Variants in NPAS3 observed in about 807,000 individuals in gnomAD.
NPAS3 encodes the protein neuronal PAS domain-containing protein 3.
In NPAS3, 14 loss-of-function variants were observed where a neutral mutation model predicts 73.1. The observed-to-expected ratio is 0.19, with a 90% CI of 0.13 to 0.30. The LOEUF (loss-of-function observed/expected upper bound fraction) is 0.30, where lower values mean the gene tolerates loss of function less well. Ranked by LOEUF, NPAS3 falls within the 10% of genes least tolerant of loss-of-function variation. NPAS3 has a pLI of 1.00. For synonymous variants in NPAS3, 620 were observed against 541.5 expected (o/e 1.14, Z -2.01); for missense variants, 1,096 against 1,250.0 (o/e 0.88, Z 1.86).
intron 9 of NPAS3, among the ~76,000 whole-genome samples, chr14:33,786,302 G>A (rs2063172592): frequency 6.6e-6 from 1 of 152,148 alleles, no homozygotes; most frequent in East Asian, 1.9e-4. Flanking sequence ...TGAACAAATG[G>A]AATTTGTCTG....
chr14:33,578,978 C>T (rs927915551), intron 5 of NPAS3, among the ~76,000 whole-genome samples: 4 of 152,198 alleles, frequency 2.6e-5, no homozygotes, highest in Non-Finnish European at 5.9e-5. Context: ...ATGTGCCAAG[C>T]TCAATGTCAG....
At chr14:33,124,766 G>C (rs1371125972) in intron 2 of NPAS3, among the ~76,000 whole-genome samples, 2 of 152,060 alleles carry the variant, frequency 1.3e-5, no homozygotes, top group Non-Finnish European at 2.9e-5. Context: ...CTTTTAAGCA[G>C]ACTTTATAAT....
intron 9 of NPAS3, among the ~76,000 whole-genome samples, chr14:33,790,035 A>G (rs1274549348): frequency 6.6e-6 from 1 of 152,224 alleles, no homozygotes; most frequent in Non-Finnish European, 1.5e-5. Context: ...GCCAGGTTAC[A>G]TGTTAGAGGT....
chr14:33,347,512 C>T (rs771750409), intron 3 of NPAS3, among the ~76,000 whole-genome samples: 15 of 152,164 alleles, frequency 9.9e-5, no homozygotes, highest in East Asian at 9.6e-4. Context: ...TATTCATTGC[C>T]GGAGGGCTTC....
chr14:33,055,111 G>C (rs2040842222), intron 1 of NPAS3, among the ~76,000 whole-genome samples: 1 of 152,156 alleles, frequency 6.6e-6, no homozygotes, highest in African/African-American at 2.4e-5. Context: ...TGAAATGATA[G>C]ATTCTTTAAA....
At chr14:33,008,946 C>A (rs1350036897) in intron 1 of NPAS3, among the ~76,000 whole-genome samples, 1 of 152,150 alleles carries the variant, frequency 6.6e-6, no homozygotes, top group Non-Finnish European at 1.5e-5. Flanking sequence ...CAACATGCTA[C>A]CTTCTCAAGT....
intron 3 of NPAS3, among the ~76,000 whole-genome samples, chr14:33,330,693 T>A (rs992353665): frequency 8.5e-5 from 13 of 152,214 alleles, no homozygotes; most frequent in African/African-American, 2.9e-4. Context: ...TCCAGAGGCC[T>A]TCTCAGAGGC....
chr14:32,961,098 C>G (rs147036116), intron 1 of NPAS3, among the ~76,000 whole-genome samples: 2 of 152,036 alleles, frequency 1.3e-5, no homozygotes, highest in South Asian at 4.2e-4. Context: ...AATTTGAAAC[C>G]TAATTACAAT....
chr14:33,583,971 G>GA, intron 5 of NPAS3, among the ~76,000 whole-genome samples: 1 of 152,122 alleles, frequency 6.6e-6, no homozygotes, highest in East Asian at 1.9e-4. Context: ...TTGGATGAGG[G>GA]AAAATCACTT....
At chr14:33,473,199 A>G (rs939441631) in intron 4 of NPAS3, among the ~76,000 whole-genome samples, 1 of 152,300 alleles carries the variant, frequency 6.6e-6, no homozygotes, top group Non-Finnish European at 1.5e-5. Flanking sequence ...CTAGCATTCT[A>G]TCAGTATCAT....
chr14:33,522,440 A>G (rs1156773283), intron 4 of NPAS3, among the ~76,000 whole-genome samples: 1 of 152,134 alleles, frequency 6.6e-6, no homozygotes, highest in Non-Finnish European at 1.5e-5. Context: ...GTTCCTCTCC[A>G]AATAACTGTA....
At position 33,242,750 on chromosome 14, in the gene NPAS3, C is replaced by A. The variant is rs572085831; in HGVS notation, c.385+27324C>A. On this transcript the variant is annotated intron_variant, in intron 3 of 11. Coordinates refer to ENST00000356141, the Ensembl canonical transcript of NPAS3. ...TAGTCACTCTCTTTTCTTGATTAGA[C>A]CCAAATGCAATAGCTTCTTCAGAGA... Among the ~76,000 whole-genome samples, 7 of 152,168 alleles carry A rather than the reference C, an allele frequency of 4.6e-5. No individual in the cohort carries two copies. The East Asian group carries it at 1.4e-3, about 29-fold the overall frequency.
At chr14:33,443,218 A>T (rs1371850192) in intron 4 of NPAS3, among the ~76,000 whole-genome samples, 2 of 152,130 alleles carry the variant, frequency 1.3e-5, no homozygotes, top group Non-Finnish European at 2.9e-5. Flanking sequence ...ATATGCTGCT[A>T]AAAACATCAT....
chr14:33,022,440 G>A (rs1001019472), intron 1 of NPAS3, among the ~76,000 whole-genome samples: 11 of 152,082 alleles, frequency 7.2e-5, no homozygotes, highest in Non-Finnish European at 1.5e-4. Context: ...TGAGGCGGGC[G>A]GATCACGAGG....
intron 5 of NPAS3, among the ~76,000 whole-genome samples, chr14:33,662,435 A>C (rs2059334327): frequency 6.6e-6 from 1 of 152,186 alleles, no homozygotes; most frequent in South Asian, 2.1e-4. Flanking sequence ...TTAAAATTCC[A>C]AAATGTGGTT....
intron 6 of NPAS3, among the ~76,000 whole-genome samples, chr14:33,725,241 T>C (rs2061232442): frequency 6.6e-6 from 1 of 151,996 alleles, no homozygotes; most frequent in Non-Finnish European, 1.5e-5. Context: ...TGGGCACATA[T>C]ACCCTAGAAC....
intron 9 of NPAS3, among the ~76,000 whole-genome samples, chr14:33,792,029 T>C (rs1439636842): frequency 2.0e-5 from 3 of 152,308 alleles, no homozygotes; most frequent in Admixed American, 2.0e-4. Context: ...CCTCTGTTAA[T>C]AGTTAACCAG....
At position 33,194,129 on chromosome 14, in the gene NPAS3, A is replaced by AT. The variant is rs2046264486; in HGVS notation, c.141-21048dup. Among the ~76,000 whole-genome samples the AT allele has an allele frequency of 2.0e-5, 3 of 152,192 alleles. No homozygotes were observed. The South Asian group carries it at 6.2e-4, about 31-fold the overall frequency. ...TAATGGAGAGAAATTGGCTGGTATT[A>AT]TTTTTAAAAATTGCCCAAATCACTG... On this transcript the variant is annotated intron_variant, in intron 2 of 11. Transcript: ENST00000356141.
At chr14:33,608,057 G>C (rs1319093848) in intron 5 of NPAS3, among the ~76,000 whole-genome samples, 1 of 152,144 alleles carries the variant, frequency 6.6e-6, no homozygotes, top group African/African-American at 2.4e-5. Context: ...TGGGGACACA[G>C]CCAAACCATA....
Sources: gnomAD v4.1 joint callset for allele counts (sites outside exome capture counted in the v4.1 genomes callset) on GRCh38, gnomAD v4.1.1 for gene constraint, MANE v1.5 for transcripts, NCBI Gene and HGNC (gene_info 2026-07-23, HGNC 2026-07-21) for gene names.